ESYT2: variants seen among roughly 807,000 people sequenced by gnomAD.
ESYT2 encodes the protein extended synaptotagmin 2, also known as extended synaptotagmin-2.
A neutral mutation model predicts 107.2 loss-of-function variants in ESYT2; 54 were observed. The ratio of observed to expected loss-of-function variants is 0.50; its 90% CI spans 0.40 to 0.63. The LOEUF (loss-of-function observed/expected upper bound fraction) is 0.63, where lower values mean the gene tolerates loss of function less well. Ranked by LOEUF, ESYT2 falls within the 30% of genes least tolerant of loss-of-function variation. The probability of loss-of-function intolerance (pLI) is 0.00; values close to 1 mark genes in which losing one functional copy is unlikely to be tolerated. For synonymous variants in ESYT2, 491 were observed against 434.1 expected (o/e 1.13, Z -1.63); for missense variants, 1,020 against 1,094.5 (o/e 0.93, Z 0.96).
chr7:158,800,054 A>AT (rs34029280), intron 1 of ESYT2, among the ~76,000 whole-genome samples: 111,592 of 145,370 alleles, frequency 0.77, 43,531 homozygotes, highest in Non-Finnish European at 0.83. Flanking sequence ...TGGCCTCTTA[A>AT]TTTTTTTTTT....
chr7:158,798,888 G>C, intron 2 of ESYT2, 143 bp downstream of exon 2: 1 of 677,430 alleles, frequency 1.5e-6, no homozygotes, highest in Non-Finnish European at 2.6e-6. Context: ...TGTTGTGACT[G>C]AGGTCTTTGG....
At chr7:158,792,533 CAA>C (rs758699353) in intron 4 of ESYT2, among the ~76,000 whole-genome samples, 1 of 132,828 alleles carries the variant, frequency 7.5e-6, no homozygotes, top group Non-Finnish European at 1.6e-5. Context: ...GTGTCAAAAA[CAA>C]AAAAAAAACC....
In ESYT2 at chr7:158,755,218, G is replaced by A. The variant is rs114781704; in HGVS notation, c.1420-2375C>T. On this transcript the variant is annotated intron_variant, in intron 13 of 22. Transcript: ENST00000275418. ...GAAGTAAGAGAGCACTGGGTTGGCA[G>A]CCGTCAAAGCCTTCACCAGTGACAG... 7.0e-3 allele frequency among the ~76,000 whole-genome samples: 1,060 copies of A among 152,340 alleles called. 24 individuals carry two copies. Among genetic ancestry groups the A allele is most frequent in the African/African-American group, 0.025 (1,028 of 41,576 alleles).
At chr7:158,821,105 A>T (rs1435988777) in intron 1 of ESYT2, among the ~76,000 whole-genome samples, 1 of 152,244 alleles carries the variant, frequency 6.6e-6, no homozygotes, top group Non-Finnish European at 1.5e-5. Flanking sequence ...CTTTAAAAAC[A>T]GTTAAGAAAA....
rs971988781 is a variant in ESYT2 at position 158,732,854 on chromosome 7, T to C, written c.*1353A>G. ...GGCTATGGAAGCCATTTTCAGCATATAGCTTATAATATACACTTAATCGTC... is the reference window on the plus strand; with the variant it reads ...GGCTATGGAAGCCATTTTCAGCATACAGCTTATAATATACACTTAATCGTC... On this transcript the variant is annotated 3_prime_UTR_variant, in exon 23 of 23. Transcript: ENST00000275418. 1 of 152,342 alleles carries C rather than the reference T, an allele frequency of 6.6e-6. No individual in the cohort carries two copies. The highest frequency in any genetic ancestry group is 1.5e-5 in the Non-Finnish European group (1 of 68,044). The allele number at this position is 152,342 out of a possible 1,614,324, so 9.4% of individuals were successfully genotyped here.
intron 16 of ESYT2, among the ~76,000 whole-genome samples, chr7:158,745,392 A>T (rs1013569752): frequency 1.3e-5 from 2 of 152,176 alleles, no homozygotes; most frequent in East Asian, 3.9e-4. Context: ...GAGGAAAAAA[A>T]CATAAATTCA....
At chr7:158,736,479 G>A (rs1409874993) in intron 20 of ESYT2, among the ~76,000 whole-genome samples, 1 of 152,156 alleles carries the variant, frequency 6.6e-6, no homozygotes, top group Non-Finnish European at 1.5e-5. Flanking sequence ...ATGACCCCTG[G>A]GGGTGTCTCT....
chr7:158,737,580 G>A (rs916942253), intron 19 of ESYT2, among the ~76,000 whole-genome samples: 2 of 152,228 alleles, frequency 1.3e-5, no homozygotes, highest in South Asian at 2.1e-4. Flanking sequence ...CAGCAAACGC[G>A]GTCAGGTGCC....
At chr7:158,778,031 G>C (rs988780614) in intron 6 of ESYT2, among the ~76,000 whole-genome samples, 20 of 152,110 alleles carry the variant, frequency 1.3e-4, no homozygotes, top group Admixed American at 2.6e-4. Context: ...GCACAATAAA[G>C]CGAGGTGTGC....
At chr7:158,802,908 C>T (rs990896725) in intron 1 of ESYT2, among the ~76,000 whole-genome samples, 1 of 152,212 alleles carries the variant, frequency 6.6e-6, no homozygotes, top group Admixed American at 6.5e-5. Context: ...TTCATTTATT[C>T]AAGATTCTTC....
chr7:158,797,778 T>C lies in ESYT2; in HGVS notation c.507+164A>G, dbSNP rs112318582. On this transcript the variant is annotated intron_variant, in intron 3 of 22. Coordinates refer to ENST00000275418, the MANE Select transcript of ESYT2 (RefSeq NM_001367773.1). Reference sequence around the variant, plus strand: ...CTGAGGCAGGAGAATAGTGTGAACCTGGGAGGCAGAGTTTGCAGTGAGCCA... The same window carrying C: ...CTGAGGCAGGAGAATAGTGTGAACCCGGGAGGCAGAGTTTGCAGTGAGCCA... Among the ~76,000 whole-genome samples, 26 of 150,478 alleles carry C rather than the reference T, an allele frequency of 1.7e-4. 3 individuals carry two copies. The highest frequency in any genetic ancestry group is 6.3e-4 in the African/African-American group (26 of 40,980).
rs112576383 is a variant in ESYT2 at position 158,735,532 on chromosome 7, G to C, written c.2476C>G (p.Leu826Val). The change falls in exon 21 of 23, where the codon CTG (leucine) becomes GTG (valine). Residue 826 changes from leucine (L) to valine (V), a missense_variant. Coordinates refer to ENST00000275418, the MANE Select transcript of ESYT2 (RefSeq NM_001367773.1). ...CCAAGGAGCCCTTTGTCTTTGGACAGGAAGCCGCCACTGTTCTTCACGGCA... is the reference window on the plus strand; with the variant it reads ...CCAAGGAGCCCTTTGTCTTTGGACACGAAGCCGCCACTGTTCTTCACGGCA... Reference protein sequence around the residue: ...DVAVKNSGGFLSKDKGLLGKV... With the variant: ...DVAVKNSGGFVSKDKGLLGKV... The C allele has an allele frequency of 1.9e-6, 3 of 1,614,170 alleles. No individual in the cohort carries two copies. The highest frequency in any genetic ancestry group is 2.5e-6 in the Non-Finnish European group (3 of 1,179,992).
intron 6 of ESYT2, among the ~76,000 whole-genome samples, chr7:158,775,654 G>C (rs576833699): frequency 6.6e-6 from 1 of 152,176 alleles, no homozygotes; most frequent in East Asian, 1.9e-4. Flanking sequence ...TTCTAACTAC[G>C]GTTCTCTCAC....
At chr7:158,734,762 T>C (rs979046954) in intron 21 of ESYT2, among the ~76,000 whole-genome samples, 3 of 152,168 alleles carry the variant, frequency 2.0e-5, no homozygotes, top group African/African-American at 7.2e-5. Flanking sequence ...GACTTCAGCC[T>C]GTGCTTCTAC....
chr7:158,764,889 G>C, intron 8 of ESYT2, 36 bp from the exon 9 acceptor site: 2 of 1,600,384 alleles, frequency 1.2e-6, no homozygotes, highest in Non-Finnish European at 8.5e-7. Context: ...TAGACCCTTG[G>C]CTGGCTTGTT....
intron 19 of ESYT2, among the ~76,000 whole-genome samples, chr7:158,738,702 C>G (rs1053586130): frequency 5.3e-5 from 8 of 152,142 alleles, no homozygotes; most frequent in African/African-American, 1.9e-4. Flanking sequence ...ATCTGCCCAC[C>G]TCAGCCTCCC....
intron 19 of ESYT2, among the ~76,000 whole-genome samples, chr7:158,738,761 G>A (rs1007062944): frequency 9.9e-5 from 15 of 152,172 alleles, no homozygotes; most frequent in African/African-American, 3.6e-4. Context: ...CCATATTTGT[G>A]TATTTAAACA....
At chr7:158,793,895 T>A (rs1484750774) in intron 3 of ESYT2, among the ~76,000 whole-genome samples, 169 bp from the exon 4 acceptor site, 1 of 152,246 alleles carries the variant, frequency 6.6e-6, no homozygotes, top group East Asian at 1.9e-4. Context: ...ATTTAACACC[T>A]GTTCCTCACC....
chr7:158,770,162 A>C (rs922663411), intron 7 of ESYT2, among the ~76,000 whole-genome samples: 1 of 152,042 alleles, frequency 6.6e-6, no homozygotes, highest in African/African-American at 2.4e-5. Context: ...AAGTGCTGGG[A>C]TTACAGGTAT....
Sources: allele counts gnomAD v4.1 joint callset (sites outside exome capture counted in the v4.1 genomes callset), GRCh38; gene constraint gnomAD v4.1.1; transcripts MANE v1.5; gene names NCBI Gene and HGNC (gene_info 2026-07-23, HGNC 2026-07-21).